AGPAT5: variants seen among roughly 807,000 people sequenced by gnomAD.
AGPAT5 encodes the protein 1-acylglycerol-3-phosphate O-acyltransferase 5.
A neutral mutation model predicts 45.6 loss-of-function variants in AGPAT5; 46 were observed. The ratio of observed to expected loss-of-function variants is 1.01; its 90% CI spans 0.80 to 1.29. The LOEUF (loss-of-function observed/expected upper bound fraction) is 1.29, where lower values mean the gene tolerates loss of function less well. Ranked by LOEUF, AGPAT5 falls within the 50% of genes most tolerant of loss-of-function variation. The pLI is 0.00. For missense variants in AGPAT5, 673 were observed against 450.7 expected (o/e 1.49, Z -4.47); for synonymous variants, 272 against 167.0 (o/e 1.63, Z -4.85).
At chr8:6,723,239 G>A (rs1800567078) in intron 1 of AGPAT5, among the ~76,000 whole-genome samples, 1 of 152,138 alleles carries the variant, frequency 6.6e-6, no homozygotes, top group Admixed American at 6.5e-5. Context: ...AACTGATCAG[G>A]CCATTGAGGA....
At chr8:6,746,589 G>C (rs930657292) in intron 5 of AGPAT5, among the ~76,000 whole-genome samples, 1 of 152,176 alleles carries the variant, frequency 6.6e-6, no homozygotes, top group Non-Finnish European at 1.5e-5. Flanking sequence ...GTGCGATTGA[G>C]ATTTTTGTTG....
rs540706444 is a variant in AGPAT5 at position 6,753,474 on chromosome 8, T to A, written c.746-1577T>A. The stretch of plus-strand genomic sequence containing the variant: ...AATAGAAATAAGATAGGGTGAGAAG[T>A]AATTTGTGGCTAAAACACTATAATA... On this transcript the variant is annotated intron_variant, in intron 6 of 7. Coordinates refer to ENST00000285518, the MANE Select transcript of AGPAT5 (RefSeq NM_018361.5). 5.9e-5 allele frequency among the ~76,000 whole-genome samples: 9 copies of A among 152,324 alleles called. No individual in the cohort carries two copies. In the South Asian group the frequency reaches 1.9e-3, roughly 32 times the overall value.
intron 6 of AGPAT5, among the ~76,000 whole-genome samples, chr8:6,750,716 G>C (rs1801629785): frequency 1.3e-5 from 1 of 77,272 alleles, no homozygotes; most frequent in African/African-American, 5.4e-5. Context: ...GAAAACTACA[G>C]GGGATACCTT....
At chr8:6,725,213 A>T (rs930127133) in intron 2 of AGPAT5, among the ~76,000 whole-genome samples, 1 of 152,146 alleles carries the variant, frequency 6.6e-6, no homozygotes, top group African/African-American at 2.4e-5. Context: ...GTAGCTCTTT[A>T]AAGAGTGTAT....
At chr8:6,744,698 C>T (rs975328387) in intron 5 of AGPAT5, among the ~76,000 whole-genome samples, 6 of 152,220 alleles carry the variant, frequency 3.9e-5, no homozygotes, top group Non-Finnish European at 8.8e-5. Context: ...CTGGTTCTCC[C>T]TCCTCCTCAC....
rs564804453 is a variant in AGPAT5 at position 6,748,948 on chromosome 8, G to A, written c.745+1120G>A. On this transcript the variant is annotated intron_variant, in intron 6 of 7. Coordinates refer to ENST00000285518, the MANE Select transcript of AGPAT5 (RefSeq NM_018361.5). ...GTTGATGTGCCTTGGAAATTTTATA[G>A]AGTAATATTTTTAACTACAACAAAA... Among the ~76,000 whole-genome samples the A allele has an allele frequency of 5.3e-5, 8 of 152,280 alleles. No individual in the cohort carries two copies. In the South Asian group the frequency reaches 1.5e-3, roughly 28 times the overall value.
chr8:6,719,393 G>A (rs73524939), intron 1 of AGPAT5, among the ~76,000 whole-genome samples: 3,384 of 152,242 alleles, frequency 0.022, 127 homozygotes, highest in African/African-American at 0.077. Flanking sequence ...GGAAGTAGTA[G>A]GCAGGAATTC....
chr8:6,757,582 A>C lies in AGPAT5; in HGVS notation c.*194A>C. The C allele has an allele frequency of 1.8e-6, 1 of 557,926 alleles. No homozygotes were observed. 34.6% of individuals were successfully genotyped at this position (557,926 alleles called of 1,614,324 possible). A position where few individuals can be genotyped will look rare whatever the true frequency, so the allele number is the denominator to read the frequency against. On this transcript the variant is annotated 3_prime_UTR_variant, in exon 8 of 8. Transcript: ENST00000285518. Reference sequence around the variant, plus strand: ...CAAACATACCTGGTTGTACAACTTTAGCATCGGGGCTGCTGGAAGGGTAAA... The same window carrying C: ...CAAACATACCTGGTTGTACAACTTTCGCATCGGGGCTGCTGGAAGGGTAAA...
chr8:6,708,855 C>G lies in AGPAT5; in HGVS notation c.187C>G (p.Leu63Val), dbSNP rs1480246443. The G allele has an allele frequency of 6.2e-7, 1 of 1,609,792 alleles. No homozygotes were observed. The highest frequency in any genetic ancestry group is 1.7e-5 in the Admixed American group (1 of 59,916). ...RLYCVYQSMV[L>V]FFFENYTGVQ... ...CTACTGCGTCTACCAGAGCATGGTG[C>G]TCTTCTTCTTCGAGAATTACACCGG... Residue 63 changes from leucine (L) to valine (V), a missense_variant, in exon 1 of 8, where the codon CTC (leucine) becomes GTC (valine). Leu to Val is a conservative substitution (Grantham distance 32). Transcript: ENST00000285518.
intron 1 of AGPAT5, among the ~76,000 whole-genome samples, chr8:6,720,098 T>G (rs114020050): frequency 2.0e-5 from 3 of 152,138 alleles, no homozygotes; most frequent in Admixed American, 6.5e-5. Context: ...TATGATGTAG[T>G]GGAAGAAGTG....
At chr8:6,709,144 T>A in intron 1 of AGPAT5, 1 of 562,454 alleles carries the variant, frequency 1.8e-6, no homozygotes, top group Non-Finnish European at 3.2e-6. Flanking sequence ...CTCGCCTGGG[T>A]CTGATGCTGC....
chr8:6,756,209 T>A (rs1801827943), intron 7 of AGPAT5, among the ~76,000 whole-genome samples: 1 of 152,190 alleles, frequency 6.6e-6, no homozygotes, highest in Non-Finnish European at 1.5e-5. Flanking sequence ...GTTTTCCTTC[T>A]TTTACCTGCC....
At chr8:6,731,968 C>G (rs1326995172) in intron 3 of AGPAT5, among the ~76,000 whole-genome samples, 1 of 152,206 alleles carries the variant, frequency 6.6e-6, no homozygotes, top group African/African-American at 2.4e-5. Flanking sequence ...CACTGGATGA[C>G]TAATCCTTCT....
At chr8:6,711,945 A>G (rs1800169013) in intron 1 of AGPAT5, among the ~76,000 whole-genome samples, 1 of 152,178 alleles carries the variant, frequency 6.6e-6, no homozygotes, top group Non-Finnish European at 1.5e-5. Flanking sequence ...ATCCTTAATT[A>G]TAACTGCAAA....
chr8:6,725,208 T>C (rs1800644980), intron 2 of AGPAT5, among the ~76,000 whole-genome samples: 1 of 152,230 alleles, frequency 6.6e-6, no homozygotes, highest in Non-Finnish European at 1.5e-5. Context: ...TTTGTGTAGC[T>C]CTTTAAAGAG....
intron 1 of AGPAT5, among the ~76,000 whole-genome samples, chr8:6,711,079 A>G (rs971863912): frequency 1.3e-5 from 2 of 152,142 alleles, no homozygotes; most frequent in Non-Finnish European, 2.9e-5. Flanking sequence ...TTAAAGAGGC[A>G]TTTTAAAATA....
At chr8:6,755,615 G>C (rs1280892948) in intron 7 of AGPAT5, among the ~76,000 whole-genome samples, 1 of 152,198 alleles carries the variant, frequency 6.6e-6, no homozygotes, top group Non-Finnish European at 1.5e-5. Context: ...TGTTATATTT[G>C]TTGGAAATAG....
intron 4 of AGPAT5, among the ~76,000 whole-genome samples, chr8:6,736,095 G>A (rs140755640): frequency 0.011 from 1,640 of 152,016 alleles, 40 homozygotes; most frequent in African/African-American, 0.037. Flanking sequence ...CTCTTGATCC[G>A]CCCGCCTCGG....
chr8:6,723,525 C>T (rs1185763021), intron 1 of AGPAT5, among the ~76,000 whole-genome samples: 1 of 151,144 alleles, frequency 6.6e-6, no homozygotes. Context: ...CTGGGCTGTG[C>T]AAAACTTTTA....
Sources: allele counts gnomAD v4.1 joint callset (sites outside exome capture counted in the v4.1 genomes callset), GRCh38; gene constraint gnomAD v4.1.1; transcripts MANE v1.5; gene names NCBI Gene and HGNC (gene_info 2026-07-23, HGNC 2026-07-21).